ERC2: variants seen among roughly 807,000 people sequenced by gnomAD.
The protein encoded by ERC2 is ELKS/RAB6-interacting/CAST family member 2, also known as ERC protein 2.
A neutral mutation model predicts 114.8 loss-of-function variants in ERC2; 42 were observed. That is an observed-to-expected ratio of 0.37 (90% CI 0.29 to 0.47). The LOEUF (loss-of-function observed/expected upper bound fraction) is 0.47. Ranked by LOEUF, ERC2 falls within the 20% of genes least tolerant of loss-of-function variation. The pLI is 0.99. For synonymous variants in ERC2, 454 were observed against 425.5 expected, an observed-to-expected ratio of 1.07 and a Z score of -0.82; for missense variants, 939 against 1,150.7, an observed-to-expected ratio of 0.82 and a Z score of 2.66.
intron 2 of ERC2, among the ~76,000 whole-genome samples, chr3:56,433,441 G>C (rs1413539965): frequency 6.6e-6 from 1 of 152,222 alleles, no homozygotes; most frequent in Non-Finnish European, 1.5e-5. Flanking sequence ...CAGTGGAAGG[G>C]AGCAGCAAGA....
intron 14 of ERC2, among the ~76,000 whole-genome samples, chr3:55,807,060 A>G (rs1296905099): frequency 1.3e-5 from 2 of 152,236 alleles, no homozygotes; most frequent in African/African-American, 4.8e-5. Context: ...CATCTACCCT[A>G]CACAAGAGAG....
chr3:56,230,982 A>G (rs1357478643), intron 3 of ERC2, among the ~76,000 whole-genome samples: 1 of 152,230 alleles, frequency 6.6e-6, no homozygotes, highest in Non-Finnish European at 1.5e-5. Context: ...GTATCATGAC[A>G]TGGTGTTTTA....
chr3:55,932,138 T>G (rs1368046502), intron 13 of ERC2, among the ~76,000 whole-genome samples: 1 of 152,178 alleles, frequency 6.6e-6, no homozygotes. Context: ...AAAGCAGATC[T>G]GCTTGAAGAC....
At position 56,188,143 on chromosome 3, in the gene ERC2, T is replaced by A. The variant is rs1466177; in HGVS notation, c.1075-14623A>T. Among the ~76,000 whole-genome samples, 366 of 152,178 alleles carry A rather than the reference T, an allele frequency of 2.4e-3. 2 individuals are homozygous for A. The highest frequency in any genetic ancestry group is 8.6e-3 in the African/African-American group (355 of 41,486). ...GAGGTGTCTTCTTGAAACTCTAAGGTTCCTCTGAACACAACTTGAGGGCCA... is the reference window on the plus strand; with the variant it reads ...GAGGTGTCTTCTTGAAACTCTAAGGATCCTCTGAACACAACTTGAGGGCCA... On this transcript the variant is annotated intron_variant, in intron 3 of 17. Coordinates refer to ENST00000288221, the MANE Select transcript of ERC2 (RefSeq NM_015576.3).
At chr3:56,183,032 A>G (rs1303138195) in intron 3 of ERC2, among the ~76,000 whole-genome samples, 1 of 152,242 alleles carries the variant, frequency 6.6e-6, no homozygotes, top group African/African-American at 2.4e-5. Flanking sequence ...TTTATAAATA[A>G]TAACCTAAAA....
At chr3:55,978,133 T>C (rs950067639) in intron 12 of ERC2, among the ~76,000 whole-genome samples, 2 of 152,142 alleles carry the variant, frequency 1.3e-5, no homozygotes, top group African/African-American at 4.8e-5. Flanking sequence ...AGGAGATAAA[T>C]GTTTAAGGAA....
At chr3:56,390,033 A>T (rs1201474663) in intron 2 of ERC2, among the ~76,000 whole-genome samples, 1 of 152,174 alleles carries the variant, frequency 6.6e-6, no homozygotes, top group Non-Finnish European at 1.5e-5. Context: ...TCCTTTTTCC[A>T]TTCTAAACCA....
chr3:55,905,971 A>C (rs2064409755), intron 13 of ERC2, among the ~76,000 whole-genome samples: 1 of 152,090 alleles, frequency 6.6e-6, no homozygotes. Flanking sequence ...CATGTGTCAC[A>C]ATTTTAAATG....
chr3:55,928,095 T>C (rs1367762239), intron 13 of ERC2, among the ~76,000 whole-genome samples: 5 of 152,022 alleles, frequency 3.3e-5, no homozygotes, highest in South Asian at 2.1e-4. Flanking sequence ...CTTTGATATA[T>C]GGATTTCCTT....
intron 13 of ERC2, among the ~76,000 whole-genome samples, chr3:55,909,972 T>C (rs1165190622): frequency 6.6e-6 from 1 of 152,210 alleles, no homozygotes; most frequent in Non-Finnish European, 1.5e-5. Flanking sequence ...TCCATGTGAA[T>C]ACAAAAAGCC....
chr3:55,652,363 C>G (rs550732295), intron 17 of ERC2, among the ~76,000 whole-genome samples: 106 of 151,856 alleles, frequency 7.0e-4, no homozygotes, highest in African/African-American at 2.5e-3. Context: ...TTTTTTTTCC[C>G]CCAACTACTT....
intron 4 of ERC2, among the ~76,000 whole-genome samples, chr3:56,153,350 C>T (rs2081530045): frequency 1.3e-5 from 2 of 152,102 alleles, no homozygotes; most frequent in African/African-American, 2.4e-5. Flanking sequence ...GAGCTTTTTC[C>T]ACTTGCAAAA....
intron 2 of ERC2, among the ~76,000 whole-genome samples, chr3:56,353,283 C>A (rs981913807): frequency 6.6e-6 from 1 of 151,978 alleles, no homozygotes; most frequent in African/African-American, 2.4e-5. Flanking sequence ...TTTCATGAAG[C>A]TGTCCCAAGG....
chr3:56,446,629 C>CTTT (rs71099637), intron 1 of ERC2, among the ~76,000 whole-genome samples: 1 of 132,098 alleles, frequency 7.6e-6, no homozygotes, highest in Non-Finnish European at 1.6e-5. Context: ...TTTTTTCTTT[C>CTTT]TTTTTTTTTT....
intron 13 of ERC2, among the ~76,000 whole-genome samples, chr3:55,895,221 G>A (rs990104569): frequency 1.6e-4 from 25 of 152,148 alleles, no homozygotes; most frequent in Non-Finnish European, 2.2e-4. Flanking sequence ...AGAATCCCTT[G>A]GGAAGCTTTT....
chr3:55,508,530 G>GTCAATA lies in ERC2; in HGVS notation c.*2780_*2785dup, dbSNP rs1278006196. On this transcript the variant is annotated 3_prime_UTR_variant, in exon 18 of 18. Coordinates refer to ENST00000288221, the MANE Select transcript of ERC2 (RefSeq NM_015576.3). ...TCATATCGATGTCCATAATCACATG[G>GTCAATA]TCAATATCACAACCCACATGCCACT... 1 of 152,118 alleles carries GTCAATA rather than the reference G, an allele frequency of 6.6e-6. No homozygotes were observed. Among genetic ancestry groups the GTCAATA allele is most frequent in the East Asian group, 1.9e-4 (1 of 5,168 alleles). 9.4% of individuals were successfully genotyped at this position (152,118 alleles called of 1,614,324 possible). A position where few individuals can be genotyped will look rare whatever the true frequency, so the allele number is the denominator to read the frequency against.
chr3:56,222,805 C>T (rs566211030), intron 3 of ERC2, among the ~76,000 whole-genome samples: 2 of 152,298 alleles, frequency 1.3e-5, no homozygotes, highest in Non-Finnish European at 2.9e-5. Flanking sequence ...TTCTATGGGT[C>T]ACAAAACCAT....
chr3:56,332,205 C>T (rs753282776), intron 2 of ERC2, among the ~76,000 whole-genome samples: 14 of 152,172 alleles, frequency 9.2e-5, no homozygotes, highest in African/African-American at 2.7e-4. Context: ...CACATATGCA[C>T]GCATGCACAT....
intron 2 of ERC2, among the ~76,000 whole-genome samples, chr3:56,375,355 G>C (rs2059499613): frequency 6.6e-6 from 1 of 152,178 alleles, no homozygotes; most frequent in East Asian, 1.9e-4. Flanking sequence ...CTAAAGTCAA[G>C]GGTCCCCAGT....
Sources: gnomAD v4.1 joint callset for allele counts (sites outside exome capture counted in the v4.1 genomes callset) on GRCh38, gnomAD v4.1.1 for gene constraint, MANE v1.5 for transcripts, NCBI Gene and HGNC (gene_info 2026-07-23, HGNC 2026-07-21) for gene names.